Variants in RASGRP2 observed in about 807,000 individuals in gnomAD.
The protein encoded by RASGRP2 is RAS guanyl-releasing protein 2.
RASGRP2 carries 44 observed loss-of-function variants against 71.0 expected under a neutral mutation model. That is an observed-to-expected ratio of 0.62 (90% CI 0.49 to 0.80). The LOEUF is 0.80. Ranked by LOEUF, RASGRP2 falls within the 30% of genes least tolerant of loss-of-function variation. The pLI, the probability that RASGRP2 is intolerant of heterozygous loss-of-function variation, is 0.00. For missense variants in RASGRP2, 663 were observed against 813.4 expected (o/e 0.82, Z 2.25); for synonymous variants, 350 against 330.7 (o/e 1.06, Z -0.63).
intron 3 of RASGRP2, among the ~76,000 whole-genome samples, chr11:64,741,757 G>A (rs975730382): frequency 9.9e-5 from 15 of 152,202 alleles, no homozygotes; most frequent in Non-Finnish European, 2.1e-4. Flanking sequence ...CCTGAAGCAG[G>A]GGCAGGCCCC....
chr11:64,744,216 C>A (rs959115011), upstream of RASGRP2: 1 of 985,916 alleles, frequency 1.0e-6, no homozygotes, highest in African/African-American at 1.7e-5. Context: ...CCGTCGCCCC[C>A]CTCCCATTTG....
Position 64,735,904 on chromosome 11 carries a change from G to T in RASGRP2, c.1172C>A (p.Ser391Ter). Residue 391 changes from serine to a stop codon, truncating the protein, a stop_gained and splice_region_variant, in exon 10 of 17, where the codon TCG (serine) becomes TAG (stop). Coordinates refer to ENST00000394432, the MANE Select transcript of RASGRP2 (RefSeq NM_001098671.2). LOFTEE classifies it high-confidence loss of function. The surrounding 1 kb of genome is among the most constrained non-coding windows in gnomAD (Gnocchi z 4.2). ...GGAGAGGAGGGAGTACCCCCTCACC[G>T]AGGACTTGGAGCGCGGCTCCCGCTG... ...SLQREPRSKS[S>*]PTSPTSCTPP... 1 of 1,613,464 alleles carries T rather than the reference G, an allele frequency of 6.2e-7. No homozygotes were observed. Among genetic ancestry groups the T allele is most frequent in the Non-Finnish European group, 8.5e-7 (1 of 1,179,652 alleles).
intron 5 of RASGRP2, 124 bp from the exon 6 acceptor site, chr11:64,740,287 C>T (rs1343713719): frequency 6.4e-6 from 8 of 1,253,024 alleles, no homozygotes; most frequent in Non-Finnish European, 7.0e-6. Context: ...GTCCTAGGCA[C>T]GAATGTTCCC....
intron 4 of RASGRP2, 101 bp from the exon 5 acceptor site, chr11:64,741,180 C>A: frequency 6.9e-7 from 1 of 1,442,208 alleles, no homozygotes; most frequent in East Asian, 2.4e-5. Context: ...CAAAAAGACC[C>A]TCAAACTATG....
At chr11:64,727,479 C>T in intron 15 of RASGRP2, 119 bp from the exon 16 acceptor site, 1 of 762,748 alleles carries the variant, frequency 1.3e-6, no homozygotes, top group Non-Finnish European at 2.2e-6. Context: ...CACCAAAAAT[C>T]AATTCCCTGC....
In RASGRP2 at chr11:64,727,116, C is replaced by T. The variant is rs2057587736; in HGVS notation, c.*22G>A. 2 of 610,472 alleles carry T rather than the reference C, an allele frequency of 3.3e-6. No homozygotes were observed. Among genetic ancestry groups the T allele is most frequent in the Non-Finnish European group, 6.0e-6 (2 of 331,934 alleles). 37.8% of individuals were successfully genotyped at this position (610,472 alleles called of 1,614,324 possible). A position where few individuals can be genotyped will look rare whatever the true frequency, so the allele number is the denominator to read the frequency against. Reference sequence around the variant, plus strand: ...ATTTTCTCCAAGGCAGGAATGAGTCCTTGATCCAACCACAGCTGGGAAGAG... The same window carrying T: ...ATTTTCTCCAAGGCAGGAATGAGTCTTTGATCCAACCACAGCTGGGAAGAG... On this transcript the variant is annotated 3_prime_UTR_variant, in exon 17 of 17. Coordinates refer to ENST00000394432, the MANE Select transcript of RASGRP2 (RefSeq NM_001098671.2).
At position 64,728,680 on chromosome 11, in the gene RASGRP2, G is replaced by A. The variant is rs57916126; in HGVS notation, c.1771+183C>T. ...GATCTCCTGACCTCGTGATCCGCCC[G>A]CCTCGGCCTCCCAAAGTGCTGGGAT... On this transcript the variant is annotated intron_variant, in intron 15 of 16. Coordinates refer to ENST00000394432, the MANE Select transcript of RASGRP2 (RefSeq NM_001098671.2). Among the ~76,000 whole-genome samples, 3,462 of 151,952 alleles carry A rather than the reference G, an allele frequency of 0.023. 126 individuals carry two copies. The highest frequency in any genetic ancestry group is 0.079 in the African/African-American group (3,274 of 41,430).
chr11:64,735,865 G>A lies in RASGRP2; in HGVS notation c.1173+38C>T. 1 of 1,591,020 alleles carries A rather than the reference G, an allele frequency of 6.3e-7. No individual in the cohort carries two copies. The highest frequency in any genetic ancestry group is 8.6e-7 in the Non-Finnish European group (1 of 1,162,076). On this transcript the variant is annotated intron_variant, in intron 10 of 16. Coordinates refer to ENST00000394432, the MANE Select transcript of RASGRP2 (RefSeq NM_001098671.2). This position sits in a 1 kb window ranked among gnomAD's most constrained non-coding sequence, Gnocchi z 4.2. ...TCCTCACATCCTGGGATTCTCAGGA[G>A]GGAAGGGCAGAGTGGAGAGGAGGGA...
At chr11:64,741,882 G>C (rs1265857061) in intron 3 of RASGRP2, 128 bp downstream of exon 3, 5 of 833,972 alleles carry the variant, frequency 6.0e-6, no homozygotes, top group Non-Finnish European at 1.0e-5. Context: ...AGGCTGGGAC[G>C]ACGCCTGAGC....
Position 64,736,654 on chromosome 11 carries a change from C to T in RASGRP2, c.1095+99G>A, listed in dbSNP as rs2057947299. 2.2e-6 allele frequency: 3 copies of T among 1,364,110 alleles called. No homozygotes were observed. The African/African-American group carries it at 4.3e-5, about 20-fold the overall frequency. The allele number at this position is 1,364,110 out of a possible 1,614,324, so 84.5% of individuals were successfully genotyped here. On this transcript the variant is annotated intron_variant, in intron 9 of 16. Coordinates refer to ENST00000394432, the MANE Select transcript of RASGRP2 (RefSeq NM_001098671.2). ...CCCACGCTAGATCTCAGTTTCTTGGCCAGAACCCAGAGCCCCAGGCCACGC... is the reference window on the plus strand; with the variant it reads ...CCCACGCTAGATCTCAGTTTCTTGGTCAGAACCCAGAGCCCCAGGCCACGC...
chr11:64,731,825 C>T (rs1215912588), intron 12 of RASGRP2, among the ~76,000 whole-genome samples: 2 of 152,188 alleles, frequency 1.3e-5, no homozygotes, highest in Non-Finnish European at 2.9e-5. Flanking sequence ...GGCACTTGTA[C>T]GCTGCTGATG....
At position 64,727,139 on chromosome 11, in the gene RASGRP2, G is replaced by T; in HGVS notation, c.*7-8C>A. On this transcript the variant is annotated splice_region_variant and splice_polypyrimidine_tract_variant and intron_variant, in intron 16 of 16. Coordinates refer to ENST00000394432, the MANE Select transcript of RASGRP2 (RefSeq NM_001098671.2). ...TCCTTGATCCAACCACAGCTGGGAA[G>T]AGAAAAACAGGTTGTGAGGAAGACA... is the stretch of plus-strand genomic sequence containing the variant. 1 of 627,268 alleles carries T rather than the reference G, an allele frequency of 1.6e-6. No homozygotes were observed. Among genetic ancestry groups the T allele is most frequent in the Non-Finnish European group, 2.9e-6 (1 of 340,442 alleles). The allele number at this position is 627,268 out of a possible 1,614,324, so 38.9% of individuals were successfully genotyped here. A position where few individuals can be genotyped will look rare whatever the true frequency, so the allele number is the denominator to read the frequency against.
chr11:64,736,243 C>T (rs1000692502), intron 9 of RASGRP2, among the ~76,000 whole-genome samples: 3 of 152,188 alleles, frequency 2.0e-5, no homozygotes, highest in Non-Finnish European at 2.9e-5. Flanking sequence ...CAGCCAGAAG[C>T]TCTGATTTCA....
In RASGRP2 at chr11:64,742,978, G is replaced by A; in HGVS notation, c.-71-41C>T. ...CAGAGCGGGAGTCTGCGGAGTCGCG[G>A]GCGGGGGAGCGGCCCCGCGGGCAGA... On this transcript the variant is annotated intron_variant, in intron 1 of 16. Coordinates refer to ENST00000394432, the MANE Select transcript of RASGRP2 (RefSeq NM_001098671.2). This position sits in a 1 kb window ranked among gnomAD's most constrained non-coding sequence, Gnocchi z 4.7. 6.6e-7 allele frequency: 1 copy of A among 1,509,908 alleles called. No homozygotes were observed. The highest frequency in any genetic ancestry group is 8.8e-7 in the Non-Finnish European group (1 of 1,133,718). 93.5% of individuals were successfully genotyped at this position (1,509,908 alleles called of 1,614,324 possible).
rs1592368069 is a variant in RASGRP2, at chr11:64,735,785, G to C, written c.1173+118C>G. Reference sequence around the variant, plus strand: ...CCCAACACTACTGCCCTACCCCCAGGATGCCTCTGTCCTACAAGATGGATG... The same window carrying C: ...CCCAACACTACTGCCCTACCCCCAGCATGCCTCTGTCCTACAAGATGGATG... On this transcript the variant is annotated intron_variant, in intron 10 of 16. Coordinates refer to ENST00000394432, the MANE Select transcript of RASGRP2 (RefSeq NM_001098671.2). The surrounding 1 kb of genome is among the most constrained non-coding windows in gnomAD (Gnocchi z 4.2). 1 of 1,477,998 alleles carries C rather than the reference G, an allele frequency of 6.8e-7. No homozygotes were observed. The highest frequency in any genetic ancestry group is 2.4e-5 in the East Asian group (1 of 41,496). 91.6% of individuals were successfully genotyped at this position (1,477,998 alleles called of 1,614,324 possible).
In RASGRP2 at chr11:64,735,032, C is replaced by T. The variant is rs547630944; in HGVS notation, c.1412+80G>A. ...AGATCATCTGGCTCAGTGACCTCAT[C>T]TTGCACACAAGAAACTGAAGCCCAG... On this transcript the variant is annotated intron_variant, in intron 12 of 16. Transcript: ENST00000394432. The surrounding 1 kb of genome is among the most constrained non-coding windows in gnomAD (Gnocchi z 4.2). 1.6e-5 allele frequency: 18 copies of T among 1,133,796 alleles called. No homozygotes were observed. In the East Asian group the frequency reaches 1.9e-4, roughly 12 times the overall value. The allele number at this position is 1,133,796 out of a possible 1,614,324, so 70.2% of individuals were successfully genotyped here.
chr11:64,742,470 C>A lies in RASGRP2; in HGVS notation c.73+324G>T, dbSNP rs988645175. Reference sequence around the variant, plus strand: ...CACCAGATAAGCCGCCCCCCATTAGCCGGAAACAGCTCCCAGGCCGGAGAT... The same window carrying A: ...CACCAGATAAGCCGCCCCCCATTAGACGGAAACAGCTCCCAGGCCGGAGAT... On this transcript the variant is annotated intron_variant, in intron 2 of 16. Coordinates refer to ENST00000394432, the MANE Select transcript of RASGRP2 (RefSeq NM_001098671.2). This position sits in a 1 kb window ranked among gnomAD's most constrained non-coding sequence, Gnocchi z 4.7. The A allele has an allele frequency of 1.4e-5, 8 of 564,866 alleles. No homozygotes were observed. Among genetic ancestry groups the A allele is most frequent in the Non-Finnish European group, 1.9e-5 (6 of 314,898 alleles). The allele number at this position is 564,866 out of a possible 1,614,324, so 35.0% of individuals were successfully genotyped here.
chr11:64,727,843 CTA>C (rs2057623268), intron 15 of RASGRP2, among the ~76,000 whole-genome samples: 1 of 152,096 alleles, frequency 6.6e-6, no homozygotes, highest in African/African-American at 2.4e-5. Context: ...GGCTCTTTTT[CTA>C]TGTTTTTGTT....
rs891027389 is a variant in RASGRP2, at chr11:64,739,483, G to A, written c.697-7C>T. On this transcript the variant is annotated splice_region_variant and splice_polypyrimidine_tract_variant and intron_variant, in intron 7 of 16. Transcript: ENST00000394432. This position sits in a 1 kb window ranked among gnomAD's most constrained non-coding sequence, Gnocchi z 4.2. The stretch of plus-strand genomic sequence containing the variant: ...TCTGCAGCTGTAGCAGCTTCTGGAA[G>A]GCAAATGGGGACGGAGAGGCAGGGA... 1 of 1,613,830 alleles carries A rather than the reference G, an allele frequency of 6.2e-7. No individual in the cohort carries two copies.
Sources: allele counts gnomAD v4.1 joint callset (sites outside exome capture counted in the v4.1 genomes callset), GRCh38; gene constraint gnomAD v4.1.1; non-coding constraint Gnocchi (gnomAD v3.1); transcripts MANE v1.5; gene names NCBI Gene and HGNC (gene_info 2026-07-23, HGNC 2026-07-21).